The following ZNF76 variants were observed in gnomAD, a reference collection of about 807,000 sequenced individuals.
ZNF76 encodes zinc finger protein 76.
ZNF76 carries 66 observed loss-of-function variants against 66.9 expected under a neutral mutation model. The observed-to-expected ratio is 0.99, with a 90% CI of 0.81 to 1.21. ZNF76 has a LOEUF of 1.21. Among genes scored for constraint, ZNF76 ranks in the 50% most tolerant of loss-of-function variants. The probability of loss-of-function intolerance (pLI) is 0.00; values close to 1 mark genes in which losing one functional copy is unlikely to be tolerated. For missense variants in ZNF76, 729 were observed against 760.3 expected, an observed-to-expected ratio of 0.96 and a Z score of 0.48; for synonymous variants, 275 against 296.1, an observed-to-expected ratio of 0.93 and a Z score of 0.73.
At chr6:35,262,781 A>C (rs1298343478) in intron 1 of ZNF76, among the ~76,000 whole-genome samples, 1 of 152,176 alleles carries the variant, frequency 6.6e-6, no homozygotes, top group Non-Finnish European at 1.5e-5. Context: ...CCATCCCAGC[A>C]TGAAGCAATC....
At position 35,292,930 on chromosome 6, in the gene ZNF76, T is replaced by G; in HGVS notation, c.1215T>G (p.Ala405=). The change falls in exon 11 of 14, where the codon GCT becomes GCG. Residue 405 remains alanine, a synonymous_variant. Coordinates refer to ENST00000373953, the MANE Select transcript of ZNF76 (RefSeq NM_003427.5). The surrounding 1 kb of genome is among the most constrained non-coding windows in gnomAD (Gnocchi z 4.7). ...CGCCACCCAAACGACCCCGGATAGC[T>G]TACCTTTCGGAGGTGAAGGAAGAGA... The part of the protein sequence containing the change: ...ESPPPKRPRI[A]YLSEVKEERD... The G allele has an allele frequency of 6.2e-7, 1 of 1,614,148 alleles. No homozygotes were observed. The highest frequency in any genetic ancestry group is 1.3e-5 in the African/African-American group (1 of 75,032).
At chr6:35,271,900 G>T (rs1229840619) in intron 1 of ZNF76, among the ~76,000 whole-genome samples, 1 of 151,872 alleles carries the variant, frequency 6.6e-6, no homozygotes, top group Non-Finnish European at 1.5e-5. Flanking sequence ...GACCAGCCTG[G>T]GCAACATAAT....
At chr6:35,267,358 A>G (rs180971423) in intron 1 of ZNF76, among the ~76,000 whole-genome samples, 42 of 152,284 alleles carry the variant, frequency 2.8e-4, no homozygotes, top group Non-Finnish European at 4.6e-4. Context: ...CGGTCTCCCA[A>G]GGTGCTGGGA....
chr6:35,261,420 T>C (rs1785237805), intron 1 of ZNF76, among the ~76,000 whole-genome samples: 1 of 152,212 alleles, frequency 6.6e-6, no homozygotes, highest in East Asian at 1.9e-4. Context: ...ACCTACTGTG[T>C]GCCAAGCTCT....
chr6:35,283,184 T>A (rs1348564175), intron 2 of ZNF76, among the ~76,000 whole-genome samples: 3 of 152,196 alleles, frequency 2.0e-5, no homozygotes, highest in Non-Finnish European at 4.4e-5. Flanking sequence ...TTCTTACGTA[T>A]TTCTTTATTC....
At chr6:35,290,762 C>A (rs763157) in intron 7 of ZNF76, 46 bp downstream of exon 7, 1,413,408 of 1,594,964 alleles carry the variant, frequency 0.89, 627,422 homozygotes, top group East Asian at 1. Flanking sequence ...GGAGGGTTCT[C>A]GTTCTGTTTG....
intron 1 of ZNF76, among the ~76,000 whole-genome samples, chr6:35,264,560 T>G (rs2150336480): frequency 1.3e-5 from 2 of 152,320 alleles, no homozygotes; most frequent in Middle Eastern, 6.8e-3. Context: ...TCTTTCCATT[T>G]TTGTGTATGT....
At chr6:35,284,014 A>G (rs1789158859) in intron 2 of ZNF76, among the ~76,000 whole-genome samples, 1 of 152,076 alleles carries the variant, frequency 6.6e-6, no homozygotes, top group Non-Finnish European at 1.5e-5. Context: ...TGTCTTTCCC[A>G]CCTGAGCGCT....
Position 35,267,781 on chromosome 6 carries a change from A to G in ZNF76, c.-97+7940A>G, listed in dbSNP as rs369418913. Among the ~76,000 whole-genome samples, 36 of 152,350 alleles carry G rather than the reference A, an allele frequency of 2.4e-4. No individual in the cohort carries two copies. The East Asian group carries it at 6.6e-3, about 28-fold the overall frequency. ...TCCTGATCTGGGTCTCCGTGGAAACAGTGAACGTGCATGTCAAAGATGAGG... is the reference window on the plus strand; with the variant it reads ...TCCTGATCTGGGTCTCCGTGGAAACGGTGAACGTGCATGTCAAAGATGAGG... On this transcript the variant is annotated intron_variant, in intron 1 of 13. Coordinates refer to ENST00000373953, the MANE Select transcript of ZNF76 (RefSeq NM_003427.5).
intron 1 of ZNF76, among the ~76,000 whole-genome samples, chr6:35,268,890 A>G (rs753024848): frequency 5.3e-5 from 8 of 152,168 alleles, no homozygotes; most frequent in Non-Finnish European, 1.2e-4. Context: ...AAAGCTGCCA[A>G]CAAACTTCAA....
chr6:35,271,989 C>T (rs1028019567), intron 1 of ZNF76, among the ~76,000 whole-genome samples: 6 of 151,796 alleles, frequency 4.0e-5, no homozygotes, highest in African/African-American at 1.2e-4. Context: ...CCTGTAGTTC[C>T]ACCTACTCGG....
chr6:35,267,022 AT>A (rs1786242484), intron 1 of ZNF76, among the ~76,000 whole-genome samples: 1 of 151,882 alleles, frequency 6.6e-6, no homozygotes, highest in Admixed American at 6.6e-5. Flanking sequence ...GATGGTCTCT[AT>A]CTCCTGACTT....
intron 2 of ZNF76, 114 bp downstream of exon 2, chr6:35,281,338 C>T: frequency 2.2e-6 from 2 of 915,794 alleles, no homozygotes; most frequent in Non-Finnish European, 3.5e-6. Flanking sequence ...TACCCTTGCC[C>T]ACCACCACAA....
chr6:35,260,709 G>A (rs1785120727), intron 1 of ZNF76, among the ~76,000 whole-genome samples: 2 of 152,216 alleles, frequency 1.3e-5, no homozygotes, highest in Non-Finnish European at 2.9e-5. Context: ...CCCCTCCTCA[G>A]TCTGGACCTC....
chr6:35,288,194 G>C (rs1423645270), intron 5 of ZNF76: 2 of 498,010 alleles, frequency 4.0e-6, no homozygotes, highest in Non-Finnish European at 7.9e-6. Flanking sequence ...GTAATCCTCT[G>C]CACTAGCTGG....
intron 13 of ZNF76, 78 bp from the exon 14 acceptor site, chr6:35,295,066 A>C: frequency 8.8e-7 from 1 of 1,135,248 alleles, no homozygotes. Flanking sequence ...AAAAAAAAGT[A>C]GGCCACATAT....
At chr6:35,262,365 C>T (rs1785379777) in intron 1 of ZNF76, among the ~76,000 whole-genome samples, 1 of 152,188 alleles carries the variant, frequency 6.6e-6, no homozygotes, top group Admixed American at 6.5e-5. Flanking sequence ...GAGTGACCTT[C>T]CTACTGCCAT....
rs1488564077 is a variant in ZNF76, at chr6:35,293,884, T to C, written c.1463T>C (p.Met488Thr). ...ACATCTGGCACACATACAGTCACCA[T>C]GGTCAGCGCCGATGGCACCCAGACG... ...LATSGTHTVTMVSADGTQTQP... is the reference protein window; with the variant it reads ...LATSGTHTVTTVSADGTQTQP... The change falls in exon 12 of 14, where the codon ATG (methionine) becomes ACG (threonine). Residue 488 changes from methionine (M) to threonine (T), a missense_variant. Coordinates refer to ENST00000373953, the MANE Select transcript of ZNF76 (RefSeq NM_003427.5). 3 of 1,614,168 alleles carry C rather than the reference T, an allele frequency of 1.9e-6. No homozygotes were observed. The highest frequency in any genetic ancestry group is 1.7e-6 in the Non-Finnish European group (2 of 1,180,010).
chr6:35,267,198 A>G (rs549577954), intron 1 of ZNF76, among the ~76,000 whole-genome samples: 2 of 151,740 alleles, frequency 1.3e-5, no homozygotes, highest in African/African-American at 2.4e-5. Context: ...CTCCAGCTCA[A>G]TCAGTCCTCC....
Sources: gnomAD v4.1 joint callset for allele counts (sites outside exome capture counted in the v4.1 genomes callset) on GRCh38, gnomAD v4.1.1 for gene constraint, Gnocchi (gnomAD v3.1) non-coding constraint, MANE v1.5 for transcripts, NCBI Gene and HGNC (gene_info 2026-07-23, HGNC 2026-07-21) for gene names.